BTG4: variants seen among roughly 807,000 people sequenced by gnomAD.
BTG4 encodes BTG anti-proliferation factor 4.
Under a neutral mutation model 19.3 loss-of-function variants are expected in BTG4, and 10 were observed. The observed-to-expected ratio is 0.52, with a 90% CI of 0.32 to 0.88. BTG4 has a LOEUF of 0.88. Ranked by LOEUF, BTG4 falls within the 40% of genes least tolerant of loss-of-function variation. The pLI is 0.04. For synonymous variants in BTG4, 91 were observed against 95.7 expected (o/e 0.95, Z 0.29); for missense variants, 238 against 281.9 (o/e 0.84, Z 1.11).
the BTG4 span, chr11:111,456,421 T>A: frequency 2.3e-6 from 1 of 433,874 alleles, no homozygotes; most frequent in Admixed American, 2.4e-5. The surrounding 1 kb of genome is among the most constrained non-coding windows in gnomAD (Gnocchi z 4.2). Flanking sequence ...TCTCACCAGC[T>A]CCTTCCAGTC....
chr11:111,477,090 A>C (rs1244312496), intron 5 of BTG4, among the ~76,000 whole-genome samples: 1 of 152,180 alleles, frequency 6.6e-6, no homozygotes, highest in Non-Finnish European at 1.5e-5. Flanking sequence ...TTGGCTGATC[A>C]AGGCATCTAC....
the BTG4 span, among the ~76,000 whole-genome samples, chr11:111,448,201 A>C: frequency 5.3e-5 from 8 of 152,350 alleles, no homozygotes; most frequent in South Asian, 1.4e-3. Context: ...GCAAAAGAAG[A>C]GCGAGACCCA....
chr11:111,509,081 T>C (rs1181392378), intron 1 of BTG4, among the ~76,000 whole-genome samples: 1 of 152,120 alleles, frequency 6.6e-6, no homozygotes, highest in African/African-American at 2.4e-5. Context: ...TATTGATTAA[T>C]CAATAAATAT....
At chr11:111,473,156 C>T (rs1864177095) in intron 5 of BTG4, 1 of 151,758 alleles carries the variant, frequency 6.6e-6, no homozygotes, top group South Asian at 2.1e-4. Flanking sequence ...CTCTGCTAAC[C>T]ACCCCCTATG....
the BTG4 span, among the ~76,000 whole-genome samples, chr11:111,426,305 A>G: frequency 1.3e-5 from 2 of 152,028 alleles, no homozygotes; most frequent in Non-Finnish European, 2.9e-5. Flanking sequence ...GACTGGATTG[A>G]GAGTGGTTGT....
At chr11:111,399,558 A>G in the BTG4 span, among the ~76,000 whole-genome samples, 7 of 152,154 alleles carry the variant, frequency 4.6e-5, no homozygotes, top group African/African-American at 1.7e-4. Context: ...GGAAGGGGGC[A>G]ATGTTTTTCC....
In BTG4 at chr11:111,497,247, G is replaced by A. The variant is rs1302692637; in HGVS notation, c.474C>T (p.Val158=). The stretch of plus-strand genomic sequence containing the variant: ...TCTTCGGATTGCTGACTTTAGGAAT[G>A]ACACGAGGTTCCTTGCTACAACTTT... ...DEESCSKEPR[V]IPKVSNPKSI... is the part of the protein sequence containing the mutation. Residue 158 remains valine, a synonymous_variant, in exon 4 of 5, where the codon GTC becomes GTT. Transcript: ENST00000692032. 2 of 1,613,396 alleles carry A rather than the reference G, an allele frequency of 1.2e-6. No homozygotes were observed. Among genetic ancestry groups the A allele is most frequent in the South Asian group, 2.2e-5 (2 of 90,934 alleles).
the BTG4 span, among the ~76,000 whole-genome samples, chr11:111,430,027 C>T: frequency 3.3e-5 from 5 of 152,322 alleles, no homozygotes; most frequent in East Asian, 9.6e-4. Context: ...TTCTGCTGAA[C>T]ACAGCAAGCA....
chr11:111,498,042 CG>C lies in BTG4; in HGVS notation c.266del (p.Pro89ArgfsTer4). 6.2e-7 allele frequency: 1 copy of C among 1,614,134 alleles called. No individual in the cohort carries two copies. The highest frequency in any genetic ancestry group is 8.5e-7 in the Non-Finnish European group (1 of 1,179,986). Reference sequence around the variant, plus strand: ...GATCTACCCATATGGTCATCTCCTTCGGAAGTCCCAGGTGAGAAAAATCTAC... The same window carrying C: ...GATCTACCCATATGGTCATCTCCTTCGAAGTCCCAGGTGAGAAAAATCTAC... ...SNVDFSHLGL[P>X]KEMTIWVDPF... On this transcript the variant is annotated frameshift_variant, in exon 3 of 5. Coordinates refer to ENST00000692032, the MANE Select transcript of BTG4 (RefSeq NM_001367975.1). LOFTEE classifies it high-confidence loss of function.
the BTG4 span, among the ~76,000 whole-genome samples, chr11:111,448,927 A>T: frequency 6.6e-6 from 1 of 152,108 alleles, no homozygotes; most frequent in African/African-American, 2.4e-5. Flanking sequence ...TAACTGGGTG[A>T]CCTGTGTTTT....
chr11:111,442,945 T>A, the BTG4 span, among the ~76,000 whole-genome samples: 4 of 152,182 alleles, frequency 2.6e-5, no homozygotes, highest in African/African-American at 9.7e-5. Flanking sequence ...CTGTACATAG[T>A]GATTTTCTTC....
At chr11:111,473,650 T>C (rs567122987) in intron 5 of BTG4, among the ~76,000 whole-genome samples, 1 of 152,224 alleles carries the variant, frequency 6.6e-6, no homozygotes, top group East Asian at 1.9e-4. Flanking sequence ...GCATAGAGCA[T>C]TGGTCATCAG....
chr11:111,422,722 C>T, the BTG4 span, among the ~76,000 whole-genome samples: 2 of 152,168 alleles, frequency 1.3e-5, no homozygotes, highest in African/African-American at 4.8e-5. Flanking sequence ...AGGCCAGAAA[C>T]AGGACAAGGT....
At chr11:111,467,618 C>A in exon 6 of BTG4, 1 of 743,992 alleles carries the variant, frequency 1.3e-6, no homozygotes. Context: ...CAAGGCAGTG[C>A]CTTCCAAGGT....
the BTG4 span, among the ~76,000 whole-genome samples, chr11:111,452,018 C>T: frequency 1.3e-5 from 2 of 152,176 alleles, no homozygotes; most frequent in African/African-American, 4.8e-5. Context: ...CCCAATCCTC[C>T]ACTTTGTCTC....
chr11:111,485,079 T>C (rs1009691239), intron 5 of BTG4, among the ~76,000 whole-genome samples: 4 of 152,098 alleles, frequency 2.6e-5, no homozygotes, highest in Non-Finnish European at 5.9e-5. Flanking sequence ...TATAAATATA[T>C]ATGTACCCAA....
intron 5 of BTG4, among the ~76,000 whole-genome samples, chr11:111,477,653 A>G (rs1565447498): frequency 6.6e-6 from 1 of 152,066 alleles, no homozygotes; most frequent in Non-Finnish European, 1.5e-5. Flanking sequence ...TTCCAAGGGA[A>G]GATATGGAGG....
rs1864470067 is a variant in BTG4, at chr11:111,477,591, T to C, written c.663-9910A>G. On this transcript the variant is annotated intron_variant, in intron 5 of 5. Transcript: ENST00000356018. ...GGCAATACACATAAAAGAAAGAAGA[T>C]AAGACTCTGAAAGGTGTAGAGAAGA... 2.0e-5 allele frequency among the ~76,000 whole-genome samples: 3 copies of C among 151,986 alleles called. No individual in the cohort carries two copies. In the South Asian group the frequency reaches 6.2e-4, roughly 32 times the overall value.
the BTG4 span, among the ~76,000 whole-genome samples, chr11:111,456,250 GC>G: frequency 6.6e-6 from 1 of 152,114 alleles, no homozygotes; most frequent in East Asian, 1.9e-4. The surrounding 1 kb of genome is among the most constrained non-coding windows in gnomAD (Gnocchi z 4.2). Flanking sequence ...GAATCCCGTA[GC>G]CCCCCTGTAG....
Sources: gnomAD v4.1 joint callset for allele counts (sites outside exome capture counted in the v4.1 genomes callset) on GRCh38, gnomAD v4.1.1 for gene constraint, Gnocchi (gnomAD v3.1) non-coding constraint, MANE v1.5 for transcripts, NCBI Gene and HGNC (gene_info 2026-07-23, HGNC 2026-07-21) for gene names.